The following ZNF423 variants were observed in gnomAD, a reference collection of about 807,000 sequenced individuals.
ZNF423 encodes Ebf-associated zinc finger protein.
ZNF423 carries 12 observed loss-of-function variants against 95.8 expected under a neutral mutation model. The ratio of observed to expected loss-of-function variants is 0.13; its 90% confidence interval spans 0.08 to 0.20. ZNF423 has a LOEUF of 0.20. ZNF423 is among the 10% of genes least tolerant of loss of function. The probability of loss-of-function intolerance (pLI) is 1.00; values close to 1 mark genes in which losing one functional copy is unlikely to be tolerated. For missense variants in ZNF423, 1,316 were observed against 1,737.1 expected, an observed-to-expected ratio of 0.76 and a Z score of 4.31; for synonymous variants, 749 against 711.9, an observed-to-expected ratio of 1.05 and a Z score of -0.83.
intron 5 of ZNF423, among the ~76,000 whole-genome samples, chr16:49,616,376 A>G (rs192730698): frequency 1.3e-5 from 2 of 152,314 alleles, no homozygotes; most frequent in African/African-American, 4.8e-5. Flanking sequence ...GTACAAAAAT[A>G]TAGTTCGACA....
intron 5 of ZNF423, among the ~76,000 whole-genome samples, chr16:49,574,440 G>A (rs1317371477): frequency 6.6e-6 from 1 of 152,208 alleles, no homozygotes; most frequent in East Asian, 1.9e-4. Context: ...AGTTGTATGT[G>A]GGGCTGGGAA....
At chr16:49,815,891 T>A (rs2034837682) in intron 1 of ZNF423, among the ~76,000 whole-genome samples, 2 of 43,238 alleles carry the variant, frequency 4.6e-5, no homozygotes, top group Admixed American at 2.8e-4. Flanking sequence ...AATATATATA[T>A]ATATATATAT....
At chr16:49,522,168 C>T (rs1315272763) in intron 7 of ZNF423, among the ~76,000 whole-genome samples, 1 of 152,136 alleles carries the variant, frequency 6.6e-6, no homozygotes, top group Non-Finnish European at 1.5e-5. Flanking sequence ...TGTGTAGGGT[C>T]CCCCCTGGAG....
intron 5 of ZNF423, among the ~76,000 whole-genome samples, chr16:49,602,108 C>G (rs557346890): frequency 6.6e-6 from 1 of 152,252 alleles, no homozygotes; most frequent in South Asian, 2.1e-4. Flanking sequence ...GGCTCCCCGG[C>G]TTCCTGTCCT....
At chr16:49,627,013 A>C (rs1208361380) in intron 4 of ZNF423, among the ~76,000 whole-genome samples, 7 of 41,476 alleles carry the variant, frequency 1.7e-4, no homozygotes, top group East Asian at 7.1e-4. Context: ...ATCCATCCAT[A>C]TACCCATCCA....
In ZNF423 at chr16:49,491,380, T is replaced by A. The variant is rs1405663111; in HGVS notation, c.3850-76A>T. 17 of 1,569,018 alleles carry A rather than the reference T, an allele frequency of 1.1e-5. No homozygotes were observed. In the East Asian group the frequency reaches 3.8e-4, roughly 35 times the overall value. ...TGCTCGTCCCTCCCACTCAGTGCATTTACGCCGGGAGCCGCAGAAAAGCGT... is the reference window on the plus strand; with the variant it reads ...TGCTCGTCCCTCCCACTCAGTGCATATACGCCGGGAGCCGCAGAAAAGCGT... On this transcript the variant is annotated intron_variant, in intron 7 of 7. Coordinates refer to ENST00000563137, the MANE Select transcript of ZNF423 (RefSeq NM_001379286.1).
chr16:49,685,990 T>G lies in ZNF423; in HGVS notation c.301+44781A>C, dbSNP rs547599717. The stretch of plus-strand genomic sequence containing the variant: ...GGCTATCCCCATAATTTCTATTCAT[T>G]GTTTCGCCCTCGTTTCCAGTGTCCA... On this transcript the variant is annotated intron_variant, in intron 3 of 7. Coordinates refer to ENST00000563137, the MANE Select transcript of ZNF423 (RefSeq NM_001379286.1). Among the ~76,000 whole-genome samples, 8 of 152,328 alleles carry G rather than the reference T, an allele frequency of 5.3e-5. No homozygotes were observed. The East Asian group carries it at 1.5e-3, about 29-fold the overall frequency.
chr16:49,540,582 A>G (rs956337043), intron 5 of ZNF423, among the ~76,000 whole-genome samples: 1 of 152,096 alleles, frequency 6.6e-6, no homozygotes, highest in Non-Finnish European at 1.5e-5. Context: ...CGCCTGGCCC[A>G]CAATGTTAAA....
intron 2 of ZNF423, among the ~76,000 whole-genome samples, chr16:49,757,463 GT>G (rs1361577577): frequency 6.6e-6 from 1 of 152,244 alleles, no homozygotes; most frequent in Admixed American, 6.5e-5. Flanking sequence ...CCTGCTTGAA[GT>G]TAAGTTTCCA....
chr16:49,556,844 T>A (rs1408530110), intron 5 of ZNF423, among the ~76,000 whole-genome samples: 2 of 152,242 alleles, frequency 1.3e-5, no homozygotes, highest in Middle Eastern at 3.2e-3. Context: ...GTCATTTACT[T>A]GAGAACAGCA....
chr16:49,493,244 C>T (rs1002331824), intron 7 of ZNF423, among the ~76,000 whole-genome samples: 2 of 152,172 alleles, frequency 1.3e-5, no homozygotes, highest in Non-Finnish European at 2.9e-5. Context: ...CCTCCCTTCT[C>T]CTCCCTCCCA....
chr16:49,830,811 C>G (rs887513284), intron 1 of ZNF423, among the ~76,000 whole-genome samples: 1 of 152,112 alleles, frequency 6.6e-6, no homozygotes, highest in East Asian at 1.9e-4. Flanking sequence ...CAGCTAAGTT[C>G]TCTGCAGCCA....
At chr16:49,527,646 G>T (rs1184093884) in intron 5 of ZNF423, among the ~76,000 whole-genome samples, 2 of 152,180 alleles carry the variant, frequency 1.3e-5, no homozygotes, top group Non-Finnish European at 2.9e-5. Flanking sequence ...TTTTCTGTAA[G>T]AATAGTTTAT....
At chr16:49,804,751 G>A (rs2143921368) in intron 1 of ZNF423, among the ~76,000 whole-genome samples, 1 of 152,246 alleles carries the variant, frequency 6.6e-6, no homozygotes, top group Non-Finnish European at 1.5e-5. Flanking sequence ...GTGTGACTTG[G>A]GCAAATCAGG....
intron 4 of ZNF423, among the ~76,000 whole-genome samples, chr16:49,630,261 A>G (rs1445249928): frequency 6.6e-6 from 1 of 152,158 alleles, no homozygotes; most frequent in African/African-American, 2.4e-5. Context: ...CCCAGAGTAC[A>G]CATCTCAGGT....
rs182482190 is a variant in ZNF423, at chr16:49,524,357, C to T, written c.3734-618G>A. ...CTATTTTTATTGTTGTCAGCATCCTCGGGCCCCCACACAGAGGCCCCCATG... is the reference window on the plus strand; with the variant it reads ...CTATTTTTATTGTTGTCAGCATCCTTGGGCCCCCACACAGAGGCCCCCATG... On this transcript the variant is annotated intron_variant, in intron 6 of 7. Coordinates refer to ENST00000563137, the MANE Select transcript of ZNF423 (RefSeq NM_001379286.1). Among the ~76,000 whole-genome samples, 11 of 152,316 alleles carry T rather than the reference C, an allele frequency of 7.2e-5. No individual in the cohort carries two copies. The East Asian group carries it at 1.7e-3, about 24-fold the overall frequency.
At chr16:49,589,876 G>A (rs2151814654) in intron 5 of ZNF423, among the ~76,000 whole-genome samples, 1 of 152,026 alleles carries the variant, frequency 6.6e-6, no homozygotes, top group Admixed American at 6.5e-5. Flanking sequence ...CTGAACAGAG[G>A]TAGGCTCCGC....
At chr16:49,640,338 C>T (rs549021447) in intron 3 of ZNF423, among the ~76,000 whole-genome samples, 14 of 151,978 alleles carry the variant, frequency 9.2e-5, no homozygotes, top group African/African-American at 3.4e-4. Flanking sequence ...TCATTCACAC[C>T]ATCACTCCCA....
intron 5 of ZNF423, among the ~76,000 whole-genome samples, chr16:49,572,403 C>A (rs1270510908): frequency 6.6e-6 from 1 of 152,066 alleles, no homozygotes; most frequent in East Asian, 1.9e-4. Flanking sequence ...CAGGAGATGG[C>A]ATGCACAAAA....
Sources: gnomAD v4.1 joint callset for allele counts (sites outside exome capture counted in the v4.1 genomes callset) on GRCh38, gnomAD v4.1.1 for gene constraint, MANE v1.5 for transcripts, NCBI Gene and HGNC (gene_info 2026-07-23, HGNC 2026-07-21) for gene names.